CDC14A: variants seen among roughly 807,000 people sequenced by gnomAD.
CDC14A encodes the protein cell division cycle 14A, also known as dual specificity protein phosphatase CDC14A.
In CDC14A, 53 loss-of-function variants were observed where a neutral mutation model predicts 74.4. The observed-to-expected ratio is 0.71, with a 90% CI of 0.57 to 0.89. The LOEUF (loss-of-function observed/expected upper bound fraction) is 0.89. CDC14A is among the 40% of genes least tolerant of loss of function. The pLI is 0.00. For missense variants in CDC14A, 646 were observed against 713.7 expected (o/e 0.91, Z 1.08); for synonymous variants, 247 against 258.4 (o/e 0.96, Z 0.43).
At chr1:100,431,279 G>A (rs563101316) in intron 5 of CDC14A, among the ~76,000 whole-genome samples, 8 of 151,720 alleles carry the variant, frequency 5.3e-5, no homozygotes, top group Non-Finnish European at 1.2e-4. Flanking sequence ...TTTGTGTTGC[G>A]AAAATTCGCT....
intron 1 of CDC14A, among the ~76,000 whole-genome samples, chr1:100,346,321 A>AT (rs1650424162): frequency 6.6e-6 from 1 of 152,028 alleles, no homozygotes; most frequent in African/African-American, 2.4e-5. Flanking sequence ...ATGTTCACTT[A>AT]TTTTTTCTGT....
intron 1 of CDC14A, 35 bp from the exon 2 acceptor site, chr1:100,353,727 A>G (rs776244875): frequency 3.5e-6 from 4 of 1,133,640 alleles, no homozygotes; most frequent in Admixed American, 1.9e-5. Context: ...TCTACTTCTC[A>G]TATGTTTTTT....
At chr1:100,375,981 A>T (rs1655190444) in intron 2 of CDC14A, among the ~76,000 whole-genome samples, 1 of 152,220 alleles carries the variant, frequency 6.6e-6, no homozygotes, top group Admixed American at 6.5e-5. Context: ...AAAAATGATG[A>T]GTTCATGTCC....
In CDC14A at chr1:100,494,822, A is replaced by G. The variant is rs534780722; in HGVS notation, c.1142A>G (p.Asn381Ser). The G allele has an allele frequency of 2.5e-6, 4 of 1,600,170 alleles. No homozygotes were observed. Among genetic ancestry groups the G allele is most frequent in the African/African-American group, 1.3e-5 (1 of 74,728 alleles). ...GGAACGTGTATTTTTTTCCAGGATA[A>G]CTTAGAAGATGATGATGTGGAAATG... ...TQNMERFGEDNLEDDDVEMKN... is the reference protein window; with the variant it reads ...TQNMERFGEDSLEDDDVEMKN... Residue 381 changes from asparagine (N) to serine (S), a missense_variant, in exon 12 of 16, where the codon AAC (asparagine) becomes AGC (serine). Physicochemically the swap from Asn to Ser is conservative, Grantham distance 46. Coordinates refer to ENST00000336454, the MANE Select transcript of CDC14A (RefSeq NM_003672.4).
intron 10 of CDC14A, among the ~76,000 whole-genome samples, 181 bp downstream of exon 10, chr1:100,468,275 TTA>T (rs1251992457): frequency 6.6e-6 from 1 of 152,210 alleles, no homozygotes; most frequent in East Asian, 1.9e-4. Context: ...TTTGTACCTT[TTA>T]TATCTCTTAG....
At position 100,352,717 on chromosome 1, in the gene CDC14A, A is replaced by G; in HGVS notation, c.-238A>G. The G allele has an allele frequency of 7.2e-7, 1 of 1,381,534 alleles. No homozygotes were observed. Among genetic ancestry groups the G allele is most frequent in the Non-Finnish European group, 9.3e-7 (1 of 1,072,410 alleles). 85.6% of individuals were successfully genotyped at this position (1,381,534 alleles called of 1,614,324 possible). ...GCCGAGTCCAAATAGGAGCGGCCAC[A>G]GCCAGGGGCGTGAGCGCCCCGCGCG... On this transcript the variant is annotated 5_prime_UTR_variant, in exon 1 of 16. Transcript: ENST00000336454.
chr1:100,489,046 G>A (rs1356657288), intron 11 of CDC14A, among the ~76,000 whole-genome samples: 1 of 152,184 alleles, frequency 6.6e-6, no homozygotes. Flanking sequence ...GTCCCAACCA[G>A]TGGCAGTGAA....
intron 10 of CDC14A, among the ~76,000 whole-genome samples, chr1:100,482,993 T>C (rs78951045): frequency 2.5e-3 from 386 of 152,296 alleles, no homozygotes; most frequent in African/African-American, 9.0e-3. Flanking sequence ...CAATCTATCA[T>C]TGATGACATT....
chr1:100,443,360 T>C (rs1435739932), intron 7 of CDC14A, among the ~76,000 whole-genome samples: 4 of 152,202 alleles, frequency 2.6e-5, no homozygotes, highest in Admixed American at 2.6e-4. Flanking sequence ...TTTGAGGCGG[T>C]GTCTAGCTCT....
At chr1:100,356,583 T>G (rs1651913842) in intron 2 of CDC14A, among the ~76,000 whole-genome samples, 1 of 151,910 alleles carries the variant, frequency 6.6e-6, no homozygotes, top group Non-Finnish European at 1.5e-5. Context: ...GGACCAGGCA[T>G]AGTGGCTCAC....
chr1:100,460,836 T>C (rs1667240581), intron 8 of CDC14A, among the ~76,000 whole-genome samples: 1 of 152,202 alleles, frequency 6.6e-6, no homozygotes, highest in South Asian at 2.1e-4. Context: ...CAATTCTGTC[T>C]TCATCCTTTG....
chr1:100,499,560 A>G (rs1401239787), intron 15 of CDC14A: 3 of 806,158 alleles, frequency 3.7e-6, no homozygotes, highest in Admixed American at 6.7e-5. Context: ...GATTATGGGC[A>G]TTGTTGACTT....
chr1:100,433,457 C>G (rs555318225), intron 5 of CDC14A, among the ~76,000 whole-genome samples: 1 of 152,180 alleles, frequency 6.6e-6, no homozygotes, highest in Non-Finnish European at 1.5e-5. Flanking sequence ...TCCTTTCCAA[C>G]CCATTGCTCT....
At chr1:100,496,103 A>G (rs1238005542) in intron 13 of CDC14A, 54 bp downstream of exon 13, 9 of 1,473,406 alleles carry the variant, frequency 6.1e-6, no homozygotes, top group Middle Eastern at 1.7e-4. Context: ...GCTTCCTTTT[A>G]GCCATGTTTC....
chr1:100,446,672 A>G (rs1349788082), intron 7 of CDC14A, among the ~76,000 whole-genome samples: 1 of 152,154 alleles, frequency 6.6e-6, no homozygotes, highest in East Asian at 1.9e-4. Flanking sequence ...TAAGCCTCAG[A>G]AACCCAGTGT....
intron 4 of CDC14A, among the ~76,000 whole-genome samples, chr1:100,409,545 GGTACAGGCATTGGGTAA>G (rs1660394149): frequency 6.6e-6 from 1 of 152,192 alleles, no homozygotes; most frequent in African/African-American, 2.4e-5. Context: ...ATACAATGGG[GGTACAGGCATTGGGTAA>G]GTACAGCCAT....
chr1:100,503,815 G>A (rs1435522769), intron 15 of CDC14A, among the ~76,000 whole-genome samples: 1 of 152,160 alleles, frequency 6.6e-6, no homozygotes, highest in Admixed American at 6.5e-5. Flanking sequence ...AGGTGGGGTG[G>A]AAGTATTTTA....
intron 4 of CDC14A, among the ~76,000 whole-genome samples, chr1:100,394,969 T>C (rs956424205): frequency 6.6e-6 from 1 of 152,200 alleles, no homozygotes; most frequent in African/African-American, 2.4e-5. Context: ...TCTGGGGGAA[T>C]CTTCTCTGGA....
chr1:100,513,633 CAT>C (rs1252340913), intron 15 of CDC14A, among the ~76,000 whole-genome samples: 1 of 152,134 alleles, frequency 6.6e-6, no homozygotes, highest in Non-Finnish European at 1.5e-5. Context: ...TGATAGCTAA[CAT>C]GTTTTATTTA....
Sources: gnomAD v4.1 joint callset for allele counts (sites outside exome capture counted in the v4.1 genomes callset) on GRCh38, gnomAD v4.1.1 for gene constraint, MANE v1.5 for transcripts, NCBI Gene and HGNC (gene_info 2026-07-23, HGNC 2026-07-21) for gene names.